The following DYNC1LI1 variants were observed in gnomAD, a reference collection of about 807,000 sequenced individuals.
DYNC1LI1 encodes dynein cytoplasmic 1 light intermediate chain 1.
Under a neutral mutation model 63.8 loss-of-function variants are expected in DYNC1LI1, and 19 were observed. That is an observed-to-expected ratio of 0.30 (90% confidence interval 0.21 to 0.44). The LOEUF (loss-of-function observed/expected upper bound fraction) is 0.44, where lower values mean the gene tolerates loss of function less well. Among genes scored for constraint, DYNC1LI1 ranks in the 20% least tolerant of loss-of-function variants. DYNC1LI1 has a pLI of 1.00. For synonymous variants in DYNC1LI1, 225 were observed against 232.3 expected (o/e 0.97, Z 0.28); for missense variants, 565 against 630.2 (o/e 0.90, Z 1.11).
At chr3:32,549,010 G>A (rs1697996463) in intron 2 of DYNC1LI1, among the ~76,000 whole-genome samples, 1 of 151,996 alleles carries the variant, frequency 6.6e-6, no homozygotes, top group Admixed American at 6.6e-5. Flanking sequence ...TAATGATCAT[G>A]TTTAAAATGC....
chr3:32,554,826 A>G (rs1698090346), intron 2 of DYNC1LI1, among the ~76,000 whole-genome samples: 1 of 146,978 alleles, frequency 6.8e-6, no homozygotes, highest in African/African-American at 2.5e-5. Flanking sequence ...TCTCTCATTT[A>G]TCAACTTTAA....
chr3:32,569,176 A>G (rs1698307886), intron 2 of DYNC1LI1, among the ~76,000 whole-genome samples: 1 of 152,208 alleles, frequency 6.6e-6, no homozygotes, highest in African/African-American at 2.4e-5. Flanking sequence ...GATGTCAAGC[A>G]ACTTGCTTAA....
chr3:32,542,353 A>G (rs1035405821), intron 4 of DYNC1LI1, among the ~76,000 whole-genome samples: 2 of 151,708 alleles, frequency 1.3e-5, no homozygotes, highest in South Asian at 4.2e-4. Context: ...CTCCCACCTC[A>G]GCATCCCAAA....
intron 3 of DYNC1LI1, 80 bp downstream of exon 3, chr3:32,545,769 T>TAA: frequency 1.0e-6 from 1 of 969,008 alleles, no homozygotes; most frequent in Non-Finnish European, 1.6e-6. Flanking sequence ...AATTACACAC[T>TAA]AAAAAAAATC....
At chr3:32,558,422 A>AG (rs1698145525) in intron 2 of DYNC1LI1, among the ~76,000 whole-genome samples, 3 of 145,512 alleles carry the variant, frequency 2.1e-5, no homozygotes, top group South Asian at 2.3e-4. Context: ...AAAAAAAAAA[A>AG]AAAGAAAAGA....
At chr3:32,528,745 T>C (rs1697656499) in intron 11 of DYNC1LI1, 144 bp from the exon 12 acceptor site, 1 of 711,930 alleles carries the variant, frequency 1.4e-6, no homozygotes, top group South Asian at 2.4e-5. Flanking sequence ...GTTTGATCTT[T>C]TGATGCTGAG....
At chr3:32,552,630 T>TA (rs1018632358) in intron 2 of DYNC1LI1, among the ~76,000 whole-genome samples, 2 of 152,222 alleles carry the variant, frequency 1.3e-5, no homozygotes, top group Non-Finnish European at 2.9e-5. Flanking sequence ...CCCTAGTACC[T>TA]AAAAAGCACA....
At chr3:32,552,555 GT>G (rs1454548103) in intron 2 of DYNC1LI1, among the ~76,000 whole-genome samples, 1 of 151,522 alleles carries the variant, frequency 6.6e-6, no homozygotes, top group African/African-American at 2.4e-5. Context: ...ATTTTACTTA[GT>G]CTCCCCCAAC....
chr3:32,569,866 A>C (rs2125448347), intron 2 of DYNC1LI1, among the ~76,000 whole-genome samples: 1 of 152,368 alleles, frequency 6.6e-6, no homozygotes, highest in South Asian at 2.1e-4. Context: ...ACATTGTACC[A>C]GAGAACGCTG....
chr3:32,570,338 A>G lies in DYNC1LI1; in HGVS notation c.220+8T>C. On this transcript the variant is annotated splice_region_variant and intron_variant, in intron 2 of 12. Coordinates refer to ENST00000273130, the MANE Select transcript of DYNC1LI1 (RefSeq NM_016141.4). Reference sequence around the variant, plus strand: ...CGGGCGGGGCGGGGCGAGGCAGGGAACACTTACCCAGCAGTAGCACGTTCT... The same window carrying G: ...CGGGCGGGGCGGGGCGAGGCAGGGAGCACTTACCCAGCAGTAGCACGTTCT... 1 of 1,593,402 alleles carries G rather than the reference A, an allele frequency of 6.3e-7. No individual in the cohort carries two copies. The highest frequency in any genetic ancestry group is 8.6e-7 in the Non-Finnish European group (1 of 1,169,544).
At position 32,545,121 on chromosome 3, in the gene DYNC1LI1, A is replaced by G. The variant is rs1234605773; in HGVS notation, c.338-15T>C. 6.4e-7 allele frequency: 1 copy of G among 1,551,258 alleles called. No individual in the cohort carries two copies. Among genetic ancestry groups the G allele is most frequent in the Admixed American group, 1.7e-5 (1 of 59,642 alleles). Reference sequence around the variant, plus strand: ...TCTTGTTTGATCTACAACAGACAAAACAAAGTAACCAAGGCAACAAGATTA... The same window carrying G: ...TCTTGTTTGATCTACAACAGACAAAGCAAAGTAACCAAGGCAACAAGATTA... On this transcript the variant is annotated splice_polypyrimidine_tract_variant and intron_variant, in intron 3 of 12. Transcript: ENST00000273130.
intron 8 of DYNC1LI1, chr3:32,531,976 CT>C (rs1454367838): frequency 3.3e-5 from 5 of 152,052 alleles, no homozygotes; most frequent in African/African-American, 9.7e-5. Context: ...CATGTTGGAG[CT>C]CAAAGTGTTT....
intron 2 of DYNC1LI1, among the ~76,000 whole-genome samples, chr3:32,564,281 T>C (rs1293940369): frequency 1.3e-5 from 2 of 152,232 alleles, no homozygotes; most frequent in Admixed American, 6.5e-5. Flanking sequence ...GCCAGTGTAC[T>C]ACAGCCTAGG....
chr3:32,548,531 T>G (rs567550881), intron 2 of DYNC1LI1, among the ~76,000 whole-genome samples: 3 of 152,158 alleles, frequency 2.0e-5, no homozygotes, highest in African/African-American at 7.2e-5. Context: ...CATGCAACCT[T>G]AAAAAGTTGA....
chr3:32,562,984 C>T (rs568921816), intron 2 of DYNC1LI1, among the ~76,000 whole-genome samples: 5 of 152,014 alleles, frequency 3.3e-5, no homozygotes, highest in African/African-American at 1.2e-4. Flanking sequence ...ACTCAGATAC[C>T]ACCTCATCCG....
chr3:32,555,399 G>A (rs561693214), intron 2 of DYNC1LI1, among the ~76,000 whole-genome samples: 2 of 152,254 alleles, frequency 1.3e-5, no homozygotes, highest in East Asian at 1.9e-4. Flanking sequence ...TGAAAACAAA[G>A]GTTCTGTAAA....
chr3:32,529,383 T>C (rs342723), intron 11 of DYNC1LI1, among the ~76,000 whole-genome samples, 157 bp downstream of exon 11: 12,035 of 152,248 alleles, frequency 0.079, 1,095 homozygotes, highest in African/African-American at 0.22. Flanking sequence ...TAAAATGGTT[T>C]ACAATCTGGT....
At position 32,559,648 on chromosome 3, in the gene DYNC1LI1, G is replaced by T. The variant is rs185056143; in HGVS notation, c.220+10698C>A. Reference sequence around the variant, plus strand: ...AATTAAGAACACATAATACTTTAATGATAATAGCTATCTTGAACACTTCCC... The same window carrying T: ...AATTAAGAACACATAATACTTTAATTATAATAGCTATCTTGAACACTTCCC... On this transcript the variant is annotated intron_variant, in intron 2 of 12. Transcript: ENST00000273130. Among the ~76,000 whole-genome samples, 25 of 152,296 alleles carry T rather than the reference G, an allele frequency of 1.6e-4. No homozygotes were observed. In the East Asian group the frequency reaches 4.4e-3, roughly 27 times the overall value.
At chr3:32,552,385 C>A (rs953094121) in intron 2 of DYNC1LI1, among the ~76,000 whole-genome samples, 1 of 152,184 alleles carries the variant, frequency 6.6e-6, no homozygotes, top group Non-Finnish European at 1.5e-5. Context: ...TGGTCTCAAA[C>A]TCCCGGCCTC....
Sources: gnomAD v4.1 joint callset for allele counts (sites outside exome capture counted in the v4.1 genomes callset) on GRCh38, gnomAD v4.1.1 for gene constraint, MANE v1.5 for transcripts, NCBI Gene and HGNC (gene_info 2026-07-23, HGNC 2026-07-21) for gene names.